The following HSDL2 variants were observed in gnomAD, a reference collection of about 807,000 sequenced individuals.
HSDL2 encodes hydroxysteroid dehydrogenase like 2, also known as hydroxysteroid dehydrogenase-like protein 2.
HSDL2 carries 27 observed loss-of-function variants against 46.3 expected under a neutral mutation model. The observed-to-expected ratio is 0.58, with a 90% CI of 0.43 to 0.80. HSDL2 has a LOEUF of 0.80. Ranked by LOEUF, HSDL2 falls within the 30% of genes least tolerant of loss-of-function variation. The pLI, the probability that HSDL2 is intolerant of heterozygous loss-of-function variation, is 0.00. For synonymous variants in HSDL2, 153 were observed against 163.6 expected, an observed-to-expected ratio of 0.94 and a Z score of 0.50; for missense variants, 451 against 502.7, an observed-to-expected ratio of 0.90 and a Z score of 0.98.
rs764161906 is a variant in HSDL2, at chr9:112,404,054, T to C, written c.77T>C (p.Ile26Thr). The C allele has an allele frequency of 2.7e-5, 44 of 1,614,068 alleles. No individual in the cohort carries two copies. Among genetic ancestry groups the C allele is most frequent in the Non-Finnish European group, 3.6e-5 (42 of 1,180,010 alleles). The change falls in exon 2 of 11, where the codon ATT (isoleucine) becomes ACT (threonine). Residue 26 changes from isoleucine (I) to threonine (T), a missense_variant. Transcript: ENST00000398805. ...TGASRGIGKA[I>T]ALKAAKDGAN... ...GCAAGCCGTGGCATTGGCAAAGCTA[T>C]TGCATTGAAAGCAGCAAAGGATGGA...
intron 8 of HSDL2, among the ~76,000 whole-genome samples, chr9:112,448,683 C>T (rs1463422139): frequency 6.6e-6 from 1 of 151,130 alleles, no homozygotes. Context: ...TCCTGAGTAG[C>T]TAGGATTACA....
chr9:112,394,208 CTTCCCATACTCGCAG>C (rs979042853), intron 1 of HSDL2, among the ~76,000 whole-genome samples: 7 of 152,006 alleles, frequency 4.6e-5, no homozygotes, highest in Non-Finnish European at 7.4e-5. Flanking sequence ...AAAGTTTCCC[CTTCCCATACTCGCAG>C]TCCGGACATG....
intron 6 of HSDL2, among the ~76,000 whole-genome samples, chr9:112,428,987 C>T (rs1832319855): frequency 6.6e-6 from 1 of 152,220 alleles, no homozygotes; most frequent in South Asian, 2.1e-4. Context: ...CAACCTCTGC[C>T]TCCCAGGTTC....
intron 1 of HSDL2, among the ~76,000 whole-genome samples, chr9:112,401,441 C>CAAA (rs398011899): frequency 4.9e-5 from 3 of 61,492 alleles, no homozygotes; most frequent in Non-Finnish European, 8.8e-5. Flanking sequence ...GAACCGCTCT[C>CAAA]AAAAAAAAAA....
intron 1 of HSDL2, among the ~76,000 whole-genome samples, chr9:112,390,162 TGAA>T (rs1415640138): frequency 1.3e-5 from 2 of 151,846 alleles, no homozygotes; most frequent in East Asian, 1.9e-4. Flanking sequence ...AAGAAACTCT[TGAA>T]GAAGAATAAA....
chr9:112,409,096 T>G (rs957673017), intron 4 of HSDL2, 75 bp downstream of exon 4: 4 of 808,742 alleles, frequency 4.9e-6, no homozygotes, highest in Non-Finnish European at 6.3e-6. Flanking sequence ...GTAAACAGAT[T>G]TGAGCCAAAT....
chr9:112,390,865 G>T (rs539727110), intron 1 of HSDL2, among the ~76,000 whole-genome samples: 1 of 152,180 alleles, frequency 6.6e-6, no homozygotes, highest in East Asian at 1.9e-4. Context: ...TAAAAGAAAA[G>T]AATTATAAAT....
In HSDL2 at chr9:112,405,612, C is replaced by T; in HGVS notation, c.182-12C>T. ...GCTTTAACGCTTTTTCATTTTGTAT[C>T]CTTTATATAAGTTGAAGCAGTTGGA... On this transcript the variant is annotated splice_polypyrimidine_tract_variant and intron_variant, in intron 2 of 10. Coordinates refer to ENST00000398805, the MANE Select transcript of HSDL2 (RefSeq NM_032303.5). 6.4e-7 allele frequency: 1 copy of T among 1,565,478 alleles called. No individual in the cohort carries two copies. Among genetic ancestry groups the T allele is most frequent in the South Asian group, 1.1e-5 (1 of 87,490 alleles).
At chr9:112,459,057 A>T (rs1022528980) in intron 9 of HSDL2, among the ~76,000 whole-genome samples, 1 of 152,212 alleles carries the variant, frequency 6.6e-6, no homozygotes, top group Non-Finnish European at 1.5e-5. Context: ...ATCTATCTCC[A>T]GAACTTTTTC....
At chr9:112,461,267 C>T (rs1036244526) in intron 10 of HSDL2, among the ~76,000 whole-genome samples, 3 of 152,072 alleles carry the variant, frequency 2.0e-5, no homozygotes, top group Admixed American at 6.6e-5. Context: ...TTAGTAAAGA[C>T]AGGGTTTCAC....
At chr9:112,461,929 G>C (rs114874559) in intron 10 of HSDL2, among the ~76,000 whole-genome samples, 1,790 of 152,250 alleles carry the variant, frequency 0.012, 40 homozygotes, top group African/African-American at 0.04. Flanking sequence ...CACTGGATGA[G>C]GCCAGTCAGT....
At chr9:112,394,923 C>T (rs1040296005) in intron 1 of HSDL2, among the ~76,000 whole-genome samples, 1 of 151,906 alleles carries the variant, frequency 6.6e-6, no homozygotes, top group Non-Finnish European at 1.5e-5. Flanking sequence ...GGTGAGAGGT[C>T]GAATAAGTGG....
At chr9:112,439,763 A>G (rs1257929020) in intron 7 of HSDL2, among the ~76,000 whole-genome samples, 1 of 152,274 alleles carries the variant, frequency 6.6e-6, no homozygotes, top group Non-Finnish European at 1.5e-5. Context: ...CTGTACGGAA[A>G]GTAATGCTTA....
intron 1 of HSDL2, among the ~76,000 whole-genome samples, chr9:112,386,356 T>A (rs1831216287): frequency 6.6e-6 from 1 of 152,196 alleles, no homozygotes; most frequent in African/African-American, 2.4e-5. Flanking sequence ...ATTTGGATTA[T>A]AATGAAATAA....
intron 4 of HSDL2, among the ~76,000 whole-genome samples, chr9:112,411,669 T>G (rs534715308): frequency 6.6e-6 from 1 of 152,278 alleles, no homozygotes; most frequent in East Asian, 1.9e-4. Flanking sequence ...AGTGAGACTC[T>G]GTCTCAAAAA....
intron 9 of HSDL2, among the ~76,000 whole-genome samples, chr9:112,456,368 G>A (rs1161057771): frequency 6.6e-6 from 1 of 152,118 alleles, no homozygotes; most frequent in African/African-American, 2.4e-5. Context: ...CCTGTCACCA[G>A]TGGGCCTGTG....
chr9:112,396,716 C>A (rs2132609216), intron 1 of HSDL2, among the ~76,000 whole-genome samples: 1 of 152,078 alleles, frequency 6.6e-6, no homozygotes, highest in African/African-American at 2.4e-5. Flanking sequence ...AGGTAAAGGC[C>A]CCGTGAGGAC....
intron 1 of HSDL2, among the ~76,000 whole-genome samples, chr9:112,396,105 G>A (rs1831451098): frequency 6.6e-6 from 1 of 152,192 alleles, no homozygotes; most frequent in African/African-American, 2.4e-5. Context: ...TTGACTGGGA[G>A]CACTATAAGA....
At chr9:112,414,463 T>C (rs1301360631) in intron 4 of HSDL2, among the ~76,000 whole-genome samples, 1 of 152,062 alleles carries the variant, frequency 6.6e-6, no homozygotes, top group Non-Finnish European at 1.5e-5. Context: ...AGTATCTAAG[T>C]GTGGTGCTAA....
Sources: gnomAD v4.1 joint callset for allele counts (sites outside exome capture counted in the v4.1 genomes callset) on GRCh38, gnomAD v4.1.1 for gene constraint, MANE v1.5 for transcripts, NCBI Gene and HGNC (gene_info 2026-07-23, HGNC 2026-07-21) for gene names.